The following CUX1 variants were observed in gnomAD, a reference collection of about 807,000 sequenced individuals.
The protein encoded by CUX1 is cut like homeobox 1.
A neutral mutation model predicts 158.8 loss-of-function variants in CUX1; 31 were observed. That is an observed-to-expected ratio of 0.20 (90% CI 0.15 to 0.26). CUX1 has a LOEUF of 0.26. Among genes scored for constraint, CUX1 ranks in the 10% least tolerant of loss-of-function variants. CUX1 has a pLI of 1.00. For synonymous variants in CUX1, 879 were observed against 862.1 expected (o/e 1.02, Z -0.34); for missense variants, 1,589 against 2,014.6 (o/e 0.79, Z 4.04).
At chr7:102,087,410 A>C (rs546034793) in intron 4 of CUX1, among the ~76,000 whole-genome samples, 4 of 152,188 alleles carry the variant, frequency 2.6e-5, no homozygotes, top group African/African-American at 9.6e-5. Flanking sequence ...GAGAAACCCT[A>C]TCTCTACTAA....
intron 8 of CUX1, among the ~76,000 whole-genome samples, chr7:102,116,689 G>A (rs1480882673): frequency 1.3e-5 from 2 of 152,098 alleles, no homozygotes; most frequent in Non-Finnish European, 2.9e-5. Flanking sequence ...AAACATGTCA[G>A]GGGCTGATTG....
At position 101,869,664 on chromosome 7, in the gene CUX1, C is replaced by T. The variant is rs959682698; in HGVS notation, c.31-46451C>T. ...TTGGTGTGCACACGCGGGGAGCCTC[C>T]GTGTCCTCAGGACACCATGGAAGAC... On this transcript the variant is annotated intron_variant, in intron 1 of 23. Transcript: ENST00000292535. The surrounding 1 kb of genome is among the most constrained non-coding windows in gnomAD (Gnocchi z 4.5). Among the ~76,000 whole-genome samples, 7 of 152,060 alleles carry T rather than the reference C, an allele frequency of 4.6e-5. No homozygotes were observed. The highest frequency in any genetic ancestry group is 1.7e-4 in the African/African-American group (7 of 41,400).
chr7:102,123,766 G>A (rs1339685335), intron 8 of CUX1, among the ~76,000 whole-genome samples: 10 of 151,924 alleles, frequency 6.6e-5, no homozygotes, highest in Admixed American at 4.6e-4. Flanking sequence ...GGTTTCAAAC[G>A]ATTTTCCCAC....
At chr7:102,118,544 A>G (rs915155413) in intron 8 of CUX1, among the ~76,000 whole-genome samples, 11 of 152,120 alleles carry the variant, frequency 7.2e-5, no homozygotes, top group Middle Eastern at 3.2e-3. Context: ...CTAAAAAAAA[A>G]GGGATTCTTA....
intron 2 of CUX1, among the ~76,000 whole-genome samples, chr7:101,985,194 A>T (rs1239045197): frequency 1.3e-5 from 2 of 152,146 alleles, no homozygotes; most frequent in South Asian, 4.2e-4. Context: ...ACAGTAACAA[A>T]TTGCTATGTG....
At chr7:101,915,456 G>T (rs974287860) in intron 1 of CUX1, among the ~76,000 whole-genome samples, 1 of 152,174 alleles carries the variant, frequency 6.6e-6, no homozygotes, top group African/African-American at 2.4e-5. Context: ...TGCCAATGGT[G>T]CCTCATTTCT....
intron 2 of CUX1, among the ~76,000 whole-genome samples, chr7:102,016,279 A>G (rs765545125): frequency 6.6e-6 from 1 of 152,128 alleles, no homozygotes; most frequent in African/African-American, 2.4e-5. Flanking sequence ...TTCGCTCCAC[A>G]TGCCCTTCTG....
intron 1 of CUX1, among the ~76,000 whole-genome samples, chr7:101,859,374 C>G (rs984787975): frequency 6.6e-6 from 1 of 152,208 alleles, no homozygotes; most frequent in Non-Finnish European, 1.5e-5. Context: ...CGTGATTCAG[C>G]TTCTTTTAAA....
intron 2 of CUX1, among the ~76,000 whole-genome samples, chr7:102,008,955 A>G (rs1228716585): frequency 6.6e-6 from 1 of 152,156 alleles, no homozygotes; most frequent in Non-Finnish European, 1.5e-5. Context: ...TAGTGAGGTC[A>G]GAGATCCATA....
chr7:102,114,573 A>C (rs1412828241), intron 7 of CUX1, among the ~76,000 whole-genome samples: 1 of 152,206 alleles, frequency 6.6e-6, no homozygotes, highest in African/African-American at 2.4e-5. Flanking sequence ...GAAATAATAA[A>C]ATACACCTTA....
At chr7:102,231,976 G>A (rs1554531003) in intron 21 of CUX1, among the ~76,000 whole-genome samples, 1 of 151,596 alleles carries the variant, frequency 6.6e-6, no homozygotes, top group Non-Finnish European at 1.5e-5. Context: ...GCCTTGCAAA[G>A]TGCTGGGATT....
Position 102,078,315 on chromosome 7 carries a change from A to G in CUX1, c.268+7898A>G, listed in dbSNP as rs553769896. On this transcript the variant is annotated intron_variant, in intron 4 of 23. Transcript: ENST00000292535. ...GGTCTCAAACTCCTAGGCTCAAGCA[A>G]TCCTCCCGCCTCGGCCTCCCAAAGT... 5.9e-5 allele frequency among the ~76,000 whole-genome samples: 9 copies of G among 152,252 alleles called. No individual in the cohort carries two copies. In the East Asian group the frequency reaches 7.7e-4, roughly 13 times the overall value.
At chr7:102,226,519 G>A (rs531193922) in intron 20 of CUX1, among the ~76,000 whole-genome samples, 47 of 152,104 alleles carry the variant, frequency 3.1e-4, no homozygotes, top group African/African-American at 8.9e-4. Flanking sequence ...CTGGGCCACC[G>A]AGCAAGACCC....
intron 7 of CUX1, 59 bp downstream of exon 7, chr7:102,111,833 G>T (rs1830921087): frequency 5.9e-6 from 9 of 1,518,674 alleles, no homozygotes; most frequent in Non-Finnish European, 8.2e-6. Context: ...GGAGAGTTGG[G>T]TCAGCCCCTG....
intron 1 of CUX1, among the ~76,000 whole-genome samples, chr7:101,850,480 C>T (rs527611864): frequency 2.1e-5 from 3 of 142,458 alleles, no homozygotes; most frequent in South Asian, 2.2e-4. Flanking sequence ...CTGGAATTGC[C>T]GTGGTGCGAT....
chr7:101,905,641 C>G (rs972339494), intron 1 of CUX1, among the ~76,000 whole-genome samples: 3 of 152,196 alleles, frequency 2.0e-5, no homozygotes, highest in Admixed American at 6.5e-5. Context: ...AAAACCACAC[C>G]ATAAATAAAC....
chr7:101,832,236 C>T (rs1287037680), intron 1 of CUX1, among the ~76,000 whole-genome samples: 2 of 152,112 alleles, frequency 1.3e-5, no homozygotes, highest in African/African-American at 2.4e-5. Context: ...TGTGCCTGGC[C>T]CTGGCATTTC....
chr7:102,171,577 A>G (rs1791724236), intron 10 of CUX1, among the ~76,000 whole-genome samples: 1 of 151,642 alleles, frequency 6.6e-6, no homozygotes, highest in Non-Finnish European at 1.5e-5. Context: ...CCTCCCGAGT[A>G]GCTGGGACTG....
chr7:101,855,043 A>G (rs181474998), intron 1 of CUX1, among the ~76,000 whole-genome samples: 46 of 152,266 alleles, frequency 3.0e-4, no homozygotes, highest in Admixed American at 1.6e-3. Flanking sequence ...CCTGGACTCA[A>G]TTTGGATTGC....
Sources: allele counts gnomAD v4.1 joint callset (sites outside exome capture counted in the v4.1 genomes callset), GRCh38; gene constraint gnomAD v4.1.1; non-coding constraint Gnocchi (gnomAD v3.1); transcripts MANE v1.5; gene names NCBI Gene and HGNC (gene_info 2026-07-23, HGNC 2026-07-21).